The following CAMK4 variants were observed in gnomAD, a reference collection of about 807,000 sequenced individuals.
CAMK4 encodes the protein calcium/calmodulin-dependent protein kinase type IV.
Under a neutral mutation model 44.9 loss-of-function variants are expected in CAMK4, and 22 were observed. The observed-to-expected ratio is 0.49, with a 90% CI of 0.35 to 0.70. The LOEUF (loss-of-function observed/expected upper bound fraction) is 0.70. CAMK4 is among the 30% of genes least tolerant of loss of function. CAMK4 has a pLI of 0.01. For missense variants in CAMK4, 498 were observed against 586.8 expected (o/e 0.85, Z 1.56); for synonymous variants, 218 against 215.4 (o/e 1.01, Z -0.11).
intron 5 of CAMK4, among the ~76,000 whole-genome samples, chr5:111,437,352 T>G (rs930442622): frequency 6.6e-6 from 1 of 152,246 alleles, no homozygotes; most frequent in Non-Finnish European, 1.5e-5. Flanking sequence ...ATTTAAAAAG[T>G]AGAACAATAT....
At chr5:111,261,556 T>G (rs1749976502) in intron 1 of CAMK4, among the ~76,000 whole-genome samples, 1 of 139,256 alleles carries the variant, frequency 7.2e-6, no homozygotes, top group South Asian at 2.3e-4. Context: ...TCTCTGACCC[T>G]AATAGTTTTT....
At chr5:111,430,402 C>G (rs1459529152) in intron 5 of CAMK4, among the ~76,000 whole-genome samples, 2 of 152,188 alleles carry the variant, frequency 1.3e-5, no homozygotes, top group African/African-American at 4.8e-5. Context: ...AGATCTGTAA[C>G]TCAACAAGGA....
intron 1 of CAMK4, among the ~76,000 whole-genome samples, chr5:111,324,902 T>A (rs1259616658): frequency 6.6e-6 from 1 of 152,036 alleles, no homozygotes; most frequent in Non-Finnish European, 1.5e-5. Context: ...GTTACATAGG[T>A]ATACATGTGC....
At chr5:111,467,900 A>G (rs138101847) in intron 7 of CAMK4, among the ~76,000 whole-genome samples, 130 of 151,048 alleles carry the variant, frequency 8.6e-4, no homozygotes, top group African/African-American at 3.1e-3. Context: ...ACTTGCCCAA[A>G]TGGCTATCAA....
intron 1 of CAMK4, among the ~76,000 whole-genome samples, chr5:111,317,623 A>G (rs1748479771): frequency 1.3e-5 from 2 of 152,248 alleles, no homozygotes; most frequent in African/African-American, 4.8e-5. Flanking sequence ...TAGATAAAGC[A>G]TATGTGATTA....
chr5:111,298,806 C>G (rs1747597798), intron 1 of CAMK4, among the ~76,000 whole-genome samples: 1 of 152,244 alleles, frequency 6.6e-6, no homozygotes, highest in Non-Finnish European at 1.5e-5. Context: ...GACATAGTAA[C>G]TACTGCCCAA....
chr5:111,274,686 T>C (rs926010285), intron 1 of CAMK4, among the ~76,000 whole-genome samples: 5 of 152,186 alleles, frequency 3.3e-5, no homozygotes, highest in Admixed American at 2.6e-4. Flanking sequence ...GTTATACCAA[T>C]TTATTCCCTT....
chr5:111,334,653 A>C (rs908942654), intron 1 of CAMK4, among the ~76,000 whole-genome samples: 2 of 151,580 alleles, frequency 1.3e-5, no homozygotes, highest in African/African-American at 4.8e-5. Context: ...TAATGTGATG[A>C]TATATAGAGT....
At chr5:111,235,421 T>C (rs1748669261) in intron 1 of CAMK4, among the ~76,000 whole-genome samples, 1 of 152,136 alleles carries the variant, frequency 6.6e-6, no homozygotes. Context: ...AATAGGCCTC[T>C]AAAGGGTTCT....
intron 7 of CAMK4, among the ~76,000 whole-genome samples, chr5:111,450,296 T>C (rs1754182160): frequency 6.6e-6 from 1 of 152,176 alleles, no homozygotes; most frequent in East Asian, 1.9e-4. Context: ...ATCGCACCAC[T>C]GCACTACAGC....
At chr5:111,228,503 G>T (rs1748303637) in intron 1 of CAMK4, among the ~76,000 whole-genome samples, 1 of 119,406 alleles carries the variant, frequency 8.4e-6, no homozygotes, top group Non-Finnish European at 1.7e-5. Context: ...GATTTCCATA[G>T]TAAGGGGTGT....
At chr5:111,380,968 G>A (rs945759769) in intron 4 of CAMK4, among the ~76,000 whole-genome samples, 5 of 152,138 alleles carry the variant, frequency 3.3e-5, no homozygotes, top group Non-Finnish European at 5.9e-5. Flanking sequence ...CTTTAAGCCA[G>A]GGCATTATAC....
At chr5:111,353,805 T>C (rs1750213761) in intron 2 of CAMK4, among the ~76,000 whole-genome samples, 1 of 152,110 alleles carries the variant, frequency 6.6e-6, no homozygotes, top group East Asian at 1.9e-4. Flanking sequence ...GTGAAAGATC[T>C]GTACTCTGAA....
chr5:111,300,709 A>G (rs1685591292), intron 1 of CAMK4, among the ~76,000 whole-genome samples: 2 of 152,176 alleles, frequency 1.3e-5, no homozygotes, highest in Admixed American at 6.5e-5. Flanking sequence ...AACTTTTGCA[A>G]CCTATTTTAA....
At position 111,397,621 on chromosome 5, in the gene CAMK4, T is replaced by C. The variant is rs189746154; in HGVS notation, c.459+2839T>C. Among the ~76,000 whole-genome samples, 171 of 151,754 alleles carry C rather than the reference T, an allele frequency of 1.1e-3. 1 individual carries two copies. Among genetic ancestry groups the C allele is most frequent in the African/African-American group, 4.1e-3 (168 of 41,312 alleles). ...AAATTTTAGTATGTTTGTATGGTTA[T>C]AACAGGTAATATCCTCAAGTCAGCA... On this transcript the variant is annotated intron_variant, in intron 5 of 10. Transcript: ENST00000282356.
rs1755127304 is a variant in CAMK4 at position 111,473,304 on chromosome 5, T to G, written c.626-7T>G. 2 of 1,602,262 alleles carry G rather than the reference T, an allele frequency of 1.2e-6. No individual in the cohort carries two copies. The highest frequency in any genetic ancestry group is 1.7e-6 in the Non-Finnish European group (2 of 1,169,778). On this transcript the variant is annotated splice_region_variant and splice_polypyrimidine_tract_variant and intron_variant, in intron 7 of 10. Transcript: ENST00000282356. ...CTAATTTAACACAATTTTCACTTTTTCTGCAGCACCTGAAATTCTTAGAGG... is the reference window on the plus strand; with the variant it reads ...CTAATTTAACACAATTTTCACTTTTGCTGCAGCACCTGAAATTCTTAGAGG...
In CAMK4 at chr5:111,482,565, C is replaced by G. The variant is rs183036739; in HGVS notation, c.829-220C>G. 5.7e-6 allele frequency: 2 copies of G among 350,528 alleles called. No individual in the cohort carries two copies. Among genetic ancestry groups the G allele is most frequent in the South Asian group, 2.5e-4 (2 of 8,052 alleles). The allele number at this position is 350,528 out of a possible 1,614,324, so 21.7% of individuals were successfully genotyped here. On this transcript the variant is annotated intron_variant, in intron 9 of 10. Transcript: ENST00000282356. This position sits in a 1 kb window ranked among gnomAD's most constrained non-coding sequence, Gnocchi z 4.9. ...GAAAGCCGTCTGCCACTTTGGGGGT[C>G]TCAGGTGGTACATGGCCCTGTCTTC...
intron 2 of CAMK4, among the ~76,000 whole-genome samples, chr5:111,366,768 A>C (rs1177819439): frequency 6.6e-6 from 1 of 152,068 alleles, no homozygotes; most frequent in Non-Finnish European, 1.5e-5. Flanking sequence ...AGACAGGAAA[A>C]TTGGGATTTC....
At chr5:111,410,007 T>C (rs1011354027) in intron 5 of CAMK4, among the ~76,000 whole-genome samples, 10 of 152,168 alleles carry the variant, frequency 6.6e-5, no homozygotes, top group Non-Finnish European at 1.3e-4. Flanking sequence ...TTCCAAACTT[T>C]CCCACATTTT....
Sources: allele counts gnomAD v4.1 joint callset (sites outside exome capture counted in the v4.1 genomes callset), GRCh38; gene constraint gnomAD v4.1.1; non-coding constraint Gnocchi (gnomAD v3.1); transcripts MANE v1.5; gene names NCBI Gene and HGNC (gene_info 2026-07-23, HGNC 2026-07-21).